Variants in NISCH observed in about 807,000 individuals in gnomAD.
NISCH encodes I-1 receptor candidate protein.
In NISCH, 55 loss-of-function variants were observed where a neutral mutation model predicts 138.4. The ratio of observed to expected loss-of-function variants is 0.40; its 90% CI spans 0.32 to 0.50. NISCH has a LOEUF of 0.50. NISCH is among the 20% of genes least tolerant of loss of function. The pLI, the probability that NISCH is intolerant of heterozygous loss-of-function variation, is 0.71. For synonymous variants in NISCH, 860 were observed against 861.5 expected (o/e 1.00, Z 0.03); for missense variants, 1,643 against 2,005.5 (o/e 0.82, Z 3.45).
At position 52,478,197 on chromosome 3, in the gene NISCH, C is replaced by T; in HGVS notation, c.1088C>T (p.Ala363Val). Residue 363 changes from alanine (A) to valine (V), a missense_variant, in exon 10 of 21, where the codon GCA becomes GTA. Physicochemically the swap from Ala to Val is moderately conservative, Grantham distance 64 (BLOSUM62 0). Coordinates refer to ENST00000345716, the MANE Select transcript of NISCH (RefSeq NM_007184.4). ...GGGAACATCAAGACCTTAAACCTGG[C>T]AGGCAACCTCCTAGAGAGTCTGAGT... is the stretch of plus-strand genomic sequence containing the variant. ...KLGNIKTLNL[A>V]GNLLESLSGL... 1 of 1,614,088 alleles carries T rather than the reference C, an allele frequency of 6.2e-7. No homozygotes were observed. The highest frequency in any genetic ancestry group is 1.1e-5 in the South Asian group (1 of 91,086).
At position 52,465,265 on chromosome 3, in the gene NISCH, G is replaced by A. The variant is rs997311606; in HGVS notation, c.361-5594G>A. Among the ~76,000 whole-genome samples the A allele has an allele frequency of 2.0e-5, 3 of 152,036 alleles. No individual in the cohort carries two copies. The South Asian group carries it at 6.2e-4, about 32-fold the overall frequency. On this transcript the variant is annotated intron_variant, in intron 3 of 20. Coordinates refer to ENST00000345716, the MANE Select transcript of NISCH (RefSeq NM_007184.4). ...CCACCTCAACCCCCCAAGTAGCTGG[G>A]ACTACAGGCATATGCCACCGTACTT...
intron 16 of NISCH, 70 bp downstream of exon 16, chr3:52,488,675 C>A: frequency 7.6e-7 from 1 of 1,317,888 alleles, no homozygotes; most frequent in Non-Finnish European, 1.0e-6. Flanking sequence ...TCAGCATCTG[C>A]GGCTAGTGTG....
intron 3 of NISCH, among the ~76,000 whole-genome samples, chr3:52,468,750 C>T (rs572993101): frequency 1.3e-5 from 2 of 152,084 alleles, no homozygotes; most frequent in African/African-American, 4.8e-5. Flanking sequence ...TTTTTGTCCA[C>T]GGGATACAGG....
rs1707501417 is a variant in NISCH at position 52,489,418 on chromosome 3, G to A, written c.3196G>A (p.Ala1066Thr). 6.2e-7 allele frequency: 1 copy of A among 1,605,106 alleles called. No individual in the cohort carries two copies. Among genetic ancestry groups the A allele is most frequent in the Non-Finnish European group, 8.5e-7 (1 of 1,173,032 alleles). Residue 1066 changes from alanine to threonine, a missense_variant, in exon 17 of 21, where the codon GCC (alanine) becomes ACC (threonine). Transcript: ENST00000345716. ...AEVPAPAPAA[A>T]SASGPAKTPA... is the part of the protein sequence containing the mutation. ...AGTCCCAGCTCCAGCCCCTGCAGCA[G>A]CCTCAGCCTCAGGCCCAGCGAAGAC...
At chr3:52,490,907 G>C in intron 19 of NISCH, 74 bp downstream of exon 19, 1 of 1,584,562 alleles carries the variant, frequency 6.3e-7, no homozygotes, top group Non-Finnish European at 8.6e-7. Flanking sequence ...CCTTCCGTAC[G>C]TGGGTGGGTT....
chr3:52,462,615 A>G (rs1052442808), intron 3 of NISCH, among the ~76,000 whole-genome samples: 5 of 152,062 alleles, frequency 3.3e-5, no homozygotes, highest in African/African-American at 4.8e-5. Context: ...AGGGAACCCT[A>G]TTTGGCTATG....
Position 52,492,095 on chromosome 3 carries a change from C to T in NISCH, c.4128C>T (p.Thr1376=), listed in dbSNP as rs2153231973. 2 of 1,613,130 alleles carry T rather than the reference C, an allele frequency of 1.2e-6. No homozygotes were observed. Among genetic ancestry groups the T allele is most frequent in the Middle Eastern group, 1.7e-4 (1 of 6,058 alleles). The part of the protein sequence containing the change: ...GPLRPKTLLL[T]SSEIFLLDED... ...TGCGCCCCAAGACACTCCTGCTCAC[C>T]AGCTCCGAGATCTTCCTCCTGGATG... The change falls in exon 21 of 21, where the codon ACC becomes ACT. Residue 1376 remains threonine (T), a synonymous_variant. Coordinates refer to ENST00000345716, the MANE Select transcript of NISCH (RefSeq NM_007184.4).
At chr3:52,457,555 T>C (rs1209863826) in intron 1 of NISCH, among the ~76,000 whole-genome samples, 2 of 152,188 alleles carry the variant, frequency 1.3e-5, no homozygotes, top group Non-Finnish European at 2.9e-5. Context: ...AATCACCTTT[T>C]TCATTCCTTA....
At position 52,480,296 on chromosome 3, in the gene NISCH, G is replaced by A; in HGVS notation, c.1528+1G>A. 1 of 1,613,796 alleles carries A rather than the reference G, an allele frequency of 6.2e-7. No individual in the cohort carries two copies. Among genetic ancestry groups the A allele is most frequent in the Non-Finnish European group, 8.5e-7 (1 of 1,180,012 alleles). On this transcript the variant is annotated splice_donor_variant, in intron 13 of 20. Transcript: ENST00000345716. LOFTEE classifies it high-confidence loss of function. ...CCCCAGCCCATCCTCTCTAACCAAG[G>A]TAATCGTGTATGTATCTTGCTTCTA...
At chr3:52,469,383 T>C (rs1250996460) in intron 3 of NISCH, among the ~76,000 whole-genome samples, 1 of 152,174 alleles carries the variant, frequency 6.6e-6, no homozygotes, top group African/African-American at 2.4e-5. Context: ...AGGGCTTGAG[T>C]GTGGCTTTGC....
At chr3:52,462,694 G>A (rs1253523678) in intron 3 of NISCH, among the ~76,000 whole-genome samples, 1 of 152,086 alleles carries the variant, frequency 6.6e-6, no homozygotes, top group Non-Finnish European at 1.5e-5. Context: ...GGAGTGCAGT[G>A]GTACGATCTC....
At position 52,492,146 on chromosome 3, in the gene NISCH, C is replaced by T. The variant is rs748425784; in HGVS notation, c.4179C>T (p.Pro1393=). 11 of 1,613,092 alleles carry T rather than the reference C, an allele frequency of 6.8e-6. No individual in the cohort carries two copies. The South Asian group carries it at 7.7e-5, about 11-fold the overall frequency. ...LDEDCVHYPL[P]EFAKEPPQRD... is the part of the protein sequence containing the mutation. The stretch of plus-strand genomic sequence containing the variant: ...AGGACTGTGTCCACTACCCACTGCC[C>T]GAGTTTGCCAAAGAGCCGCCGCAGA... Residue 1393 remains proline (P), a synonymous_variant, in exon 21 of 21, where the codon CCC becomes CCT. Transcript: ENST00000345716.
In NISCH at chr3:52,478,245, T is replaced by G; in HGVS notation, c.1136T>G (p.Leu379Arg). Residue 379 changes from leucine to arginine, a missense_variant, in exon 10 of 21, where the codon CTG becomes CGG. By Grantham distance (102) the Leu-to-Arg change is moderately radical. Coordinates refer to ENST00000345716, the MANE Select transcript of NISCH (RefSeq NM_007184.4). The part of the protein sequence containing the change: ...SLSGLHKLYS[L>R]VNLDLRDNRI... Reference sequence around the variant, plus strand: ...AGTGGCCTGCACAAGCTCTACTCACTGGTCAACCTGGATCTCCGGGACAAC... The same window carrying G: ...AGTGGCCTGCACAAGCTCTACTCACGGGTCAACCTGGATCTCCGGGACAAC... 1 of 1,614,120 alleles carries G rather than the reference T, an allele frequency of 6.2e-7. No homozygotes were observed. The highest frequency in any genetic ancestry group is 8.5e-7 in the Non-Finnish European group (1 of 1,179,982).
intron 13 of NISCH, 51 bp from the exon 14 acceptor site, chr3:52,484,462 T>TTGCCCCCCCCCC: frequency 3.8e-6 from 3 of 788,668 alleles, no homozygotes; most frequent in Non-Finnish European, 5.5e-6. Flanking sequence ...ACAGCCGCTC[T>TTGCCCCCCCCCC]CCCCGCCCCA....
rs750936834 is a variant in NISCH at position 52,457,849 on chromosome 3, A to G, written c.100A>G (p.Ile34Val). 3 of 1,610,848 alleles carry G rather than the reference A, an allele frequency of 1.9e-6. No homozygotes were observed. Among genetic ancestry groups the G allele is most frequent in the Admixed American group, 3.3e-5 (2 of 59,986 alleles). ...SELVDTYTVY[I>V]IQVTDGSHEW... ...TGTTGGTTTCCCCTTTTAGGTTTACATCATCCAGGTCACTGATGGCAGCCA... is the reference window on the plus strand; with the variant it reads ...TGTTGGTTTCCCCTTTTAGGTTTACGTCATCCAGGTCACTGATGGCAGCCA... Residue 34 changes from isoleucine (I) to valine (V), a missense_variant, in exon 2 of 21, where the codon ATC becomes GTC. Physicochemically the swap from Ile to Val is conservative, Grantham distance 29. Transcript: ENST00000345716.
At position 52,488,447 on chromosome 3, in the gene NISCH, C is replaced by T. The variant is rs61743106; in HGVS notation, c.2955C>T (p.Phe985=). ...GGTACCGCTTTGTCACTGCCATCTT[C>T]GTGCTGCCCCACGAGAAGTTCCACT... ...LVGYRFVTAI[F]VLPHEKFHFL... The change falls in exon 16 of 21, where the codon TTC becomes TTT. Residue 985 remains phenylalanine (F), a synonymous_variant. Transcript: ENST00000345716. The T allele has an allele frequency of 3.2e-5, 51 of 1,613,736 alleles. 1 individual carries two copies. In the East Asian group the frequency reaches 6.9e-4, roughly 22 times the overall value.
At chr3:52,479,455 G>A (rs1276447355) in intron 11 of NISCH, among the ~76,000 whole-genome samples, 3 of 152,126 alleles carry the variant, frequency 2.0e-5, no homozygotes, top group Non-Finnish European at 1.5e-5. Context: ...GCTGCCTCCT[G>A]TTCTTGGTGA....
Position 52,487,949 on chromosome 3 carries a change from G to A in NISCH, c.2457G>A (p.Leu819=), listed in dbSNP as rs1481944964. The change falls in exon 16 of 21, where the codon CTG becomes CTA. Residue 819 remains leucine (L), a synonymous_variant. Transcript: ENST00000345716. The surrounding 1 kb of genome is among the most constrained non-coding windows in gnomAD (Gnocchi z 9.1). ...SCFAPQHMAM[L]CSPILYGSHT... is the part of the protein sequence containing the mutation. ...TTGCACCCCAGCACATGGCCATGCT[G>A]TGTAGCCCCATCCTCTACGGCAGCC... 1.2e-6 allele frequency: 2 copies of A among 1,611,854 alleles called. No homozygotes were observed. Among genetic ancestry groups the A allele is most frequent in the African/African-American group, 1.3e-5 (1 of 74,992 alleles).
At chr3:52,477,715 G>T (rs1309237868) in intron 9 of NISCH, 73 bp downstream of exon 9, 1 of 1,316,326 alleles carries the variant, frequency 7.6e-7, no homozygotes. Flanking sequence ...GGAGACTGAC[G>T]CAGCCTTGGG....
Sources: gnomAD v4.1 joint callset for allele counts (sites outside exome capture counted in the v4.1 genomes callset) on GRCh38, gnomAD v4.1.1 for gene constraint, Gnocchi (gnomAD v3.1) non-coding constraint, MANE v1.5 for transcripts, NCBI Gene and HGNC (gene_info 2026-07-23, HGNC 2026-07-21) for gene names.